Variants in GRM5 observed in about 807,000 individuals in gnomAD.
GRM5 encodes glutamate metabotropic receptor 5.
A neutral mutation model predicts 83.1 loss-of-function variants in GRM5; 19 were observed. The observed-to-expected ratio is 0.23, with a 90% CI of 0.16 to 0.34. The LOEUF (loss-of-function observed/expected upper bound fraction) is 0.34. Ranked by LOEUF, GRM5 falls within the 10% of genes least tolerant of loss-of-function variation. The pLI is 1.00. For synonymous variants in GRM5, 675 were observed against 633.6 expected, an observed-to-expected ratio of 1.07 and a Z score of -0.98; for missense variants, 1,160 against 1,588.3, an observed-to-expected ratio of 0.73 and a Z score of 4.58.
chr11:88,806,291 A>T (rs1943498200), intron 3 of GRM5, among the ~76,000 whole-genome samples: 1 of 152,208 alleles, frequency 6.6e-6, no homozygotes. Flanking sequence ...TAAATTTCAC[A>T]GTCTGTAGTT....
chr11:88,978,361 T>C (rs1939405937), intron 2 of GRM5, among the ~76,000 whole-genome samples: 1 of 151,926 alleles, frequency 6.6e-6, no homozygotes, highest in African/African-American at 2.4e-5. Flanking sequence ...TTGTATCCAT[T>C]AATTATGTAC....
At chr11:88,798,820 A>AAAAAAAAAAAC (rs1555017418) in intron 3 of GRM5, among the ~76,000 whole-genome samples, 29 of 136,148 alleles carry the variant, frequency 2.1e-4, no homozygotes, top group East Asian at 4.4e-4. Context: ...AAAAAAAAAA[A>AAAAAAAAAAAC]AAAAAAACAA....
Position 88,907,537 on chromosome 11 carries a change from A to T in GRM5, c.662-57382T>A, listed in dbSNP as rs866401293. Among the ~76,000 whole-genome samples the T allele has an allele frequency of 7.9e-5, 12 of 152,346 alleles. No individual in the cohort carries two copies. In the South Asian group the frequency reaches 2.3e-3, roughly 29 times the overall value. Reference sequence around the variant, plus strand: ...CTCTATCTTCTCACTAAATATTTGTATGACTTTAAAATGTCACAATTTCTC... The same window carrying T: ...CTCTATCTTCTCACTAAATATTTGTTTGACTTTAAAATGTCACAATTTCTC... On this transcript the variant is annotated intron_variant, in intron 2 of 9. Coordinates refer to ENST00000305447, the MANE Select transcript of GRM5 (RefSeq NM_001143831.3).
chr11:89,052,351 G>C (rs1177152051), intron 1 of GRM5, among the ~76,000 whole-genome samples: 2 of 152,126 alleles, frequency 1.3e-5, no homozygotes, highest in Admixed American at 1.3e-4. Context: ...CCAGATTTTG[G>C]AAAAGCCAGC....
At chr11:88,895,567 A>T (rs1355325926) in intron 2 of GRM5, among the ~76,000 whole-genome samples, 3 of 151,946 alleles carry the variant, frequency 2.0e-5, no homozygotes, top group Admixed American at 6.6e-5. Flanking sequence ...AACTCTGAAG[A>T]ATTTATTACT....
At chr11:89,064,586 A>G (rs1272088998) in intron 1 of GRM5, among the ~76,000 whole-genome samples, 2 of 152,030 alleles carry the variant, frequency 1.3e-5, no homozygotes, top group African/African-American at 4.8e-5. Flanking sequence ...CTTCAAACAC[A>G]TACATAGACA....
chr11:88,717,595 A>G (rs1444451576), intron 3 of GRM5, among the ~76,000 whole-genome samples: 4 of 151,884 alleles, frequency 2.6e-5, no homozygotes, highest in African/African-American at 4.8e-5. Context: ...TCACTGAATT[A>G]GCTCTAAGTA....
chr11:88,733,684 G>C (rs996008694), intron 3 of GRM5, among the ~76,000 whole-genome samples: 1 of 152,018 alleles, frequency 6.6e-6, no homozygotes, highest in Non-Finnish European at 1.5e-5. Flanking sequence ...TAAGATTTCT[G>C]AGAGTTGACC....
At chr11:88,602,331 T>C (rs35590373) in intron 5 of GRM5, among the ~76,000 whole-genome samples, 6,807 of 152,254 alleles carry the variant, frequency 0.045, 292 homozygotes, top group African/African-American at 0.11. Flanking sequence ...CCTGGCACCA[T>C]GGTTTTCATT....
intron 2 of GRM5, among the ~76,000 whole-genome samples, chr11:89,045,422 TA>T (rs1336993741): frequency 1.3e-5 from 2 of 152,166 alleles, no homozygotes; most frequent in Non-Finnish European, 2.9e-5. Flanking sequence ...ATTGTTTGCA[TA>T]AAAACCCCTT....
At chr11:88,910,086 C>T (rs1353486801) in intron 2 of GRM5, among the ~76,000 whole-genome samples, 2 of 152,066 alleles carry the variant, frequency 1.3e-5, no homozygotes, top group Non-Finnish European at 2.9e-5. Context: ...TTCCCACTTC[C>T]CCAGTCCCTG....
At chr11:89,018,405 A>G (rs765486486) in intron 2 of GRM5, among the ~76,000 whole-genome samples, 14 of 152,212 alleles carry the variant, frequency 9.2e-5, no homozygotes, top group Non-Finnish European at 1.8e-4. Context: ...ACATCATATC[A>G]GTACAAAGGC....
In GRM5 at chr11:88,961,906, G is replaced by A. The variant is rs537005729; in HGVS notation, c.661+85306C>T. 1.1e-4 allele frequency among the ~76,000 whole-genome samples: 17 copies of A among 152,270 alleles called. 1 individual carries two copies. The South Asian group carries it at 1.9e-3, about 17-fold the overall frequency. ...GGAAATTAGAACTGGCTGAGAATTC[G>A]ATGATGGTAATGATGACTGTAATAG... On this transcript the variant is annotated intron_variant, in intron 2 of 9. Transcript: ENST00000305447.
At chr11:89,006,920 C>A (rs1018922567) in intron 2 of GRM5, among the ~76,000 whole-genome samples, 2 of 152,210 alleles carry the variant, frequency 1.3e-5, no homozygotes, top group Non-Finnish European at 2.9e-5. Flanking sequence ...GCCCAAGCCT[C>A]CTGAGTAGCT....
At chr11:88,707,347 C>A (rs1422766383) in intron 3 of GRM5, among the ~76,000 whole-genome samples, 1 of 152,020 alleles carries the variant, frequency 6.6e-6, no homozygotes. Context: ...TGGATAGTGT[C>A]ACTGTAAACA....
intron 2 of GRM5, among the ~76,000 whole-genome samples, chr11:88,928,859 G>T (rs1410671653): frequency 6.8e-6 from 1 of 146,080 alleles, no homozygotes; most frequent in South Asian, 2.2e-4. Flanking sequence ...AAGAAATATG[G>T]ATGAAATTTT....
rs1449923160 is a variant in GRM5 at position 88,599,195 on chromosome 11, AAAAGT to A, written c.1395-1848_1395-1844del. Among the ~76,000 whole-genome samples the A allele has an allele frequency of 7.2e-5, 11 of 152,378 alleles. No individual in the cohort carries two copies. The East Asian group carries it at 2.1e-3, about 29-fold the overall frequency. On this transcript the variant is annotated intron_variant, in intron 5 of 9. Coordinates refer to ENST00000305447, the MANE Select transcript of GRM5 (RefSeq NM_001143831.3). ...TTTGTTTTATGTATGACAAATAGTA[AAAAGT>A]AAAGAGATCCAGTTTTTGAAAAATA...
intron 2 of GRM5, among the ~76,000 whole-genome samples, chr11:89,011,803 T>C (rs1410643678): frequency 2.0e-5 from 3 of 152,228 alleles, no homozygotes; most frequent in Non-Finnish European, 4.4e-5. Context: ...ATGGGATTGC[T>C]ATTATATAGA....
At chr11:88,943,243 T>G (rs529255846) in intron 2 of GRM5, among the ~76,000 whole-genome samples, 1 of 152,222 alleles carries the variant, frequency 6.6e-6, no homozygotes, top group Non-Finnish European at 1.5e-5. Context: ...AGTAGTCATT[T>G]AATCAAACAT....
Sources: gnomAD v4.1 joint callset for allele counts (sites outside exome capture counted in the v4.1 genomes callset) on GRCh38, gnomAD v4.1.1 for gene constraint, MANE v1.5 for transcripts, NCBI Gene and HGNC (gene_info 2026-07-23, HGNC 2026-07-21) for gene names.